The following ADAM28 variants were observed in gnomAD, a reference collection of about 807,000 sequenced individuals.
ADAM28 encodes disintegrin and metalloproteinase domain-containing protein 28.
ADAM28 carries 105 observed loss-of-function variants against 101.2 expected under a neutral mutation model. The ratio of observed to expected loss-of-function variants is 1.04; its 90% CI spans 0.89 to 1.22. The LOEUF (loss-of-function observed/expected upper bound fraction) is 1.22. Ranked by LOEUF, ADAM28 falls within the 50% of genes most tolerant of loss-of-function variation. The pLI is 0.00. For synonymous variants in ADAM28, 322 were observed against 310.6 expected (o/e 1.04, Z -0.39); for missense variants, 1,028 against 945.4 (o/e 1.09, Z -1.15).
chr8:24,327,923 A>G (rs1812842671), intron 10 of ADAM28, among the ~76,000 whole-genome samples: 1 of 152,088 alleles, frequency 6.6e-6, no homozygotes, highest in Non-Finnish European at 1.5e-5. Flanking sequence ...TACACAATAC[A>G]TTGTTATTAA....
At chr8:24,305,852 TA>T (rs10709737) in intron 2 of ADAM28, among the ~76,000 whole-genome samples, 52,623 of 151,854 alleles carry the variant, frequency 0.35, 10,601 homozygotes, top group Non-Finnish European at 0.45. Flanking sequence ...CAGAAATAAA[TA>T]TAACTCTCCC....
rs936843897 is a variant in ADAM28 at position 24,311,434 on chromosome 8, T to C, written c.380T>C (p.Leu127Pro). The C allele has an allele frequency of 1.9e-6, 3 of 1,612,140 alleles. No homozygotes were observed. Among genetic ancestry groups the C allele is most frequent in the Admixed American group, 3.3e-5 (2 of 59,820 alleles). The change falls in exon 5 of 23, where the codon CTA (leucine) becomes CCA (proline). Residue 127 changes from leucine (L) to proline (P), a missense_variant. Physicochemically the swap from Leu to Pro is moderately conservative, Grantham distance 98 (BLOSUM62 -3). Transcript: ENST00000265769. ...GCTAGCATCAGCACATGTAGGGGTC[T>C]AAGGTAAGACTTCAGGAATGTTTTG... ...SDASISTCRG[L>P]RGYFSQGDQR...
intron 4 of ADAM28, among the ~76,000 whole-genome samples, chr8:24,310,734 A>C (rs1221173823): frequency 6.6e-6 from 1 of 152,030 alleles, no homozygotes; most frequent in African/African-American, 2.4e-5. Context: ...TCTGAGCTCC[A>C]TTTTCCATGG....
At chr8:24,351,467 C>A (rs914050911) in intron 20 of ADAM28, 157 bp downstream of exon 20, 2 of 771,652 alleles carry the variant, frequency 2.6e-6, no homozygotes, top group Non-Finnish European at 4.5e-6. Context: ...GCAAAAGAGT[C>A]CCTAAAATGC....
chr8:24,309,647 C>T (rs767141589), intron 2 of ADAM28, among the ~76,000 whole-genome samples: 6 of 152,144 alleles, frequency 3.9e-5, no homozygotes, highest in South Asian at 2.1e-4. Context: ...CTCACTCAAA[C>T]GATACTTTAA....
At chr8:24,295,946 C>T (rs1019183930) in intron 1 of ADAM28, 5 of 152,198 alleles carry the variant, frequency 3.3e-5, no homozygotes, top group African/African-American at 1.2e-4. Context: ...CTGACCATGA[C>T]TTCTGCCCAG....
chr8:24,346,261 G>C (rs893618501), intron 18 of ADAM28, among the ~76,000 whole-genome samples: 45 of 152,070 alleles, frequency 3.0e-4, no homozygotes, highest in African/African-American at 1.1e-3. Flanking sequence ...CCATGACTTT[G>C]TCACCAATAG....
intron 10 of ADAM28, among the ~76,000 whole-genome samples, chr8:24,328,805 C>A (rs920246775): frequency 2.0e-5 from 3 of 151,824 alleles, no homozygotes; most frequent in South Asian, 2.1e-4. Flanking sequence ...TGGCTGGTGC[C>A]TGTAATTCTA....
chr8:24,328,347 T>C (rs1454679266), intron 10 of ADAM28, among the ~76,000 whole-genome samples: 1 of 151,922 alleles, frequency 6.6e-6, no homozygotes, highest in Non-Finnish European at 1.5e-5. Context: ...TCCTTGTTAG[T>C]GTAAGAATAA....
rs1322139375 is a variant in ADAM28 at position 24,311,439 on chromosome 8, T to A, written c.383+2T>A. The A allele has an allele frequency of 1.2e-6, 2 of 1,611,018 alleles. No individual in the cohort carries two copies. The highest frequency in any genetic ancestry group is 2.7e-5 in the African/African-American group (2 of 74,770). On this transcript the variant is annotated splice_donor_variant, in intron 5 of 22. Coordinates refer to ENST00000265769, the MANE Select transcript of ADAM28 (RefSeq NM_014265.6). LOFTEE classifies it high-confidence loss of function. Reference sequence around the variant, plus strand: ...CATCAGCACATGTAGGGGTCTAAGGTAAGACTTCAGGAATGTTTTGCATGT... The same window carrying A: ...CATCAGCACATGTAGGGGTCTAAGGAAAGACTTCAGGAATGTTTTGCATGT...
chr8:24,328,065 T>TAAAA lies in ADAM28; in HGVS notation c.972+1433_972+1436dup, dbSNP rs1162045442. Among the ~76,000 whole-genome samples, 203 of 152,138 alleles carry TAAAA rather than the reference T, an allele frequency of 1.3e-3. 3 individuals are homozygous for TAAAA. The highest frequency in any genetic ancestry group is 4.7e-3 in the African/African-American group (194 of 41,534). ...GTACCTGTGAACTTAAAATAGAAGT[T>TAAAA]AAAAAAGTTTTATATTTACCATCAC... On this transcript the variant is annotated intron_variant, in intron 10 of 22. Transcript: ENST00000265769.
At chr8:24,351,117 G>A (rs1183987984) in intron 19 of ADAM28, 115 bp from the exon 20 acceptor site, 1 of 793,208 alleles carries the variant, frequency 1.3e-6, no homozygotes, top group Non-Finnish European at 1.9e-6. Flanking sequence ...AAAAACCCAG[G>A]CAATAGGCAA....
rs1563331561 is a variant in ADAM28, at chr8:24,351,328, G to C, written c.2178+18G>C. ...CCCAAGAGGTGAACTATATAGTCTG[G>C]GCTGTGATTACCATGGCCCCACTTT... On this transcript the variant is annotated intron_variant, in intron 20 of 22. Transcript: ENST00000265769. 3 of 1,609,724 alleles carry C rather than the reference G, an allele frequency of 1.9e-6. No homozygotes were observed. Among genetic ancestry groups the C allele is most frequent in the Non-Finnish European group, 2.6e-6 (3 of 1,176,178 alleles).
rs950045149 is a variant in ADAM28, at chr8:24,356,113, A to G, written c.*1709A>G. ...CACTGATCAAATCACTGTCAAGGATACAGGCTTTTTCTCCATGTGGCATTT... is the reference window on the plus strand; with the variant it reads ...CACTGATCAAATCACTGTCAAGGATGCAGGCTTTTTCTCCATGTGGCATTT... On this transcript the variant is annotated 3_prime_UTR_variant, in exon 23 of 23. Transcript: ENST00000265769. 1.3e-5 allele frequency: 2 copies of G among 152,214 alleles called. No homozygotes were observed. The highest frequency in any genetic ancestry group is 4.8e-5 in the African/African-American group (2 of 41,446). The allele number at this position is 152,214 out of a possible 1,614,324, so 9.4% of individuals were successfully genotyped here.
Position 24,324,563 on chromosome 8 carries a change from G to A in ADAM28, c.890+560G>A, listed in dbSNP as rs574527439. Among the ~76,000 whole-genome samples the A allele has an allele frequency of 9.7e-4, 147 of 152,116 alleles. 1 individual carries two copies. The highest frequency in any genetic ancestry group is 3.1e-3 in the African/African-American group (127 of 41,546). On this transcript the variant is annotated intron_variant, in intron 9 of 22. Transcript: ENST00000265769. ...TAAGGATTGACTTGAAGTTACTGGA[G>A]AGGCTATTACCTAAGAAAACCATGA...
intron 2 of ADAM28, among the ~76,000 whole-genome samples, chr8:24,304,269 A>C (rs969996167): frequency 6.7e-6 from 1 of 149,856 alleles, no homozygotes; most frequent in Non-Finnish European, 1.5e-5. Context: ...TAGGTGGATG[A>C]GGTTGATATA....
In ADAM28 at chr8:24,332,656, T is replaced by C. The variant is rs1264261510; in HGVS notation, c.1282-4T>C. 2 of 1,471,098 alleles carry C rather than the reference T, an allele frequency of 1.4e-6. No individual in the cohort carries two copies. Among genetic ancestry groups the C allele is most frequent in the Admixed American group, 4.0e-5 (2 of 50,212 alleles). 91.1% of individuals were successfully genotyped at this position (1,471,098 alleles called of 1,614,324 possible). A position where few individuals can be genotyped will look rare whatever the true frequency, so the allele number is the denominator to read the frequency against. On this transcript the variant is annotated splice_region_variant and splice_polypyrimidine_tract_variant and intron_variant, in intron 12 of 22. Coordinates refer to ENST00000265769, the MANE Select transcript of ADAM28 (RefSeq NM_014265.6). ...CATTTACATTTGTTTCTCATATTTC[T>C]TAGGAATGTACCAATATTTGCTGTG...
chr8:24,341,011 G>C (rs62498241), intron 15 of ADAM28: 26,588 of 152,096 alleles, frequency 0.17, 2,417 homozygotes, highest in East Asian at 0.35. Context: ...GTCAAGGGAG[G>C]CTCAGCTTTG....
intron 19 of ADAM28, 95 bp downstream of exon 19, chr8:24,350,067 G>A (rs1424740846): frequency 9.3e-7 from 1 of 1,080,680 alleles, no homozygotes; most frequent in East Asian, 2.6e-5. Flanking sequence ...AAATTGAATT[G>A]GTTTACTTCT....
Sources: gnomAD v4.1 joint callset for allele counts (sites outside exome capture counted in the v4.1 genomes callset) on GRCh38, gnomAD v4.1.1 for gene constraint, MANE v1.5 for transcripts, NCBI Gene and HGNC (gene_info 2026-07-23, HGNC 2026-07-21) for gene names.